Variants in BTNL3 observed in about 807,000 individuals in gnomAD.
The protein encoded by BTNL3 is butyrophilin like 3, also known as butyrophilin-like protein 3.
BTNL3 carries 20 observed loss-of-function variants against 40.1 expected under a neutral mutation model. The observed-to-expected ratio is 0.50, with a 90% CI of 0.35 to 0.72. The LOEUF is 0.72. BTNL3 is among the 30% of genes least tolerant of loss of function. BTNL3 has a pLI of 0.01. For synonymous variants in BTNL3, 179 were observed against 222.1 expected (o/e 0.81, Z 1.73); for missense variants, 449 against 582.2 (o/e 0.77, Z 2.35).
rs1759980200 is a variant in BTNL3, at chr5:180,992,282, T to C, written c.50-531T>C. On this transcript the variant is annotated intron_variant, in intron 1 of 7. Coordinates refer to ENST00000342868, the MANE Select transcript of BTNL3 (RefSeq NM_197975.3). The stretch of plus-strand genomic sequence containing the variant: ...TAAATGTGCTTCAGCGGAGAATATA[T>C]ATTCCTTTCTTGTATCCATAAAACA... Among the ~76,000 whole-genome samples the C allele has an allele frequency of 1.5e-5, 2 of 137,530 alleles. 1 individual carries two copies. Among genetic ancestry groups the C allele is most frequent in the African/African-American group, 5.0e-5 (2 of 39,940 alleles). The allele number at this position is 137,530 out of a possible 152,430, so 90.2% of individuals were successfully genotyped here.
Position 180,997,375 on chromosome 5 carries a change from G to A in BTNL3, c.560G>A (p.Ser187Asn). 6.8e-7 allele frequency: 1 copy of A among 1,464,126 alleles called. No individual in the cohort carries two copies. The highest frequency in any genetic ancestry group is 1.1e-5 in the South Asian group (1 of 89,322). 90.7% of individuals were successfully genotyped at this position (1,464,126 alleles called of 1,614,324 possible). A position where few individuals can be genotyped will look rare whatever the true frequency, so the allele number is the denominator to read the frequency against. ...TCCAGAGCAAATGCAGATGGGTACAGCCTGTATGATGTGGAGATCTCCATT... is the reference window on the plus strand; with the variant it reads ...TCCAGAGCAAATGCAGATGGGTACAACCTGTATGATGTGGAGATCTCCATT... Reference protein sequence around the residue: ...SDSRANADGYSLYDVEISIIV... With the variant: ...SDSRANADGYNLYDVEISIIV... Residue 187 changes from serine (S) to asparagine (N), a missense_variant, in exon 3 of 8, where the codon AGC becomes AAC. Around this residue, in one of 2 missense-constraint regions of BTNL3, gnomAD observed 323 missense variants for 464.9 expected, o/e 0.69. Coordinates refer to ENST00000342868, the MANE Select transcript of BTNL3 (RefSeq NM_197975.3).
chr5:181,004,989 G>T (rs1460908948), intron 7 of BTNL3, among the ~76,000 whole-genome samples: 1 of 152,162 alleles, frequency 6.6e-6, no homozygotes, highest in Non-Finnish European at 1.5e-5. Context: ...GAGGGCATTA[G>T]TAGCTGGCTT....
intron 1 of BTNL3, among the ~76,000 whole-genome samples, chr5:180,990,517 C>T (rs1176940150): frequency 7.3e-6 from 1 of 137,692 alleles, no homozygotes; most frequent in Non-Finnish European, 1.7e-5. Flanking sequence ...CAGTATGTTG[C>T]GACAACAGAC....
intron 2 of BTNL3, 64 bp from the exon 3 acceptor site, chr5:180,997,149 G>T: frequency 6.9e-7 from 1 of 1,457,464 alleles, no homozygotes; most frequent in South Asian, 1.1e-5. Flanking sequence ...TGATGAACCA[G>T]ACTCAAAATG....
At position 180,989,668 on chromosome 5, in the gene BTNL3, A is replaced by G. The variant is rs549526950; in HGVS notation, c.49+591A>G. Among the ~76,000 whole-genome samples, 3 of 135,152 alleles carry G rather than the reference A, an allele frequency of 2.2e-5. 1 individual carries two copies. Among genetic ancestry groups the G allele is most frequent in the East Asian group, 4.4e-4 (2 of 4,596 alleles). The allele number at this position is 135,152 out of a possible 152,430, so 88.7% of individuals were successfully genotyped here. A position where few individuals can be genotyped will look rare whatever the true frequency, so the allele number is the denominator to read the frequency against. On this transcript the variant is annotated intron_variant, in intron 1 of 7. Transcript: ENST00000342868. ...CAAGACAAAGCCTGGTGTATAGGAT[A>G]TTCAGTAATCAAATAAATTTTGCAG... is the stretch of plus-strand genomic sequence containing the variant.
intron 3 of BTNL3, among the ~76,000 whole-genome samples, chr5:180,998,508 C>T (rs1447167799): frequency 7.4e-6 from 1 of 136,014 alleles, no homozygotes; most frequent in Non-Finnish European, 1.7e-5. Flanking sequence ...GATGGCACTC[C>T]AGGTTTGTAG....
intron 4 of BTNL3, 83 bp downstream of exon 4, chr5:181,002,868 G>C: frequency 7.3e-7 from 1 of 1,378,408 alleles, no homozygotes; most frequent in Admixed American, 2.0e-5. Flanking sequence ...ACACACCTCT[G>C]GGCTCTGCTC....
At position 180,998,990 on chromosome 5, in the gene BTNL3, G is replaced by A. The variant is rs1423910372; in HGVS notation, c.673+1502G>A. Among the ~76,000 whole-genome samples, 9 of 136,002 alleles carry A rather than the reference G, an allele frequency of 6.6e-5. 4 individuals are homozygous for A. The highest frequency in any genetic ancestry group is 1.5e-4 in the Non-Finnish European group (9 of 59,588). 89.2% of individuals were successfully genotyped at this position (136,002 alleles called of 152,430 possible). A position where few individuals can be genotyped will look rare whatever the true frequency, so the allele number is the denominator to read the frequency against. On this transcript the variant is annotated intron_variant, in intron 3 of 7. Coordinates refer to ENST00000342868, the MANE Select transcript of BTNL3 (RefSeq NM_197975.3). Reference sequence around the variant, plus strand: ...AAAAATACAAAAATTAGCCGGGTGTGGTGGCGGGTGCCTGTAATCCCAGCT... The same window carrying A: ...AAAAATACAAAAATTAGCCGGGTGTAGTGGCGGGTGCCTGTAATCCCAGCT...
At chr5:180,994,174 C>T (rs1760007603) in intron 2 of BTNL3, among the ~76,000 whole-genome samples, 1 of 137,288 alleles carries the variant, frequency 7.3e-6, no homozygotes, top group Admixed American at 7.7e-5. Context: ...TTTTCTATTG[C>T]TTTTCTTCTT....
Position 180,997,816 on chromosome 5 carries a change from C to T in BTNL3, c.673+328C>T, listed in dbSNP as rs902306594. On this transcript the variant is annotated intron_variant, in intron 3 of 7. Coordinates refer to ENST00000342868, the MANE Select transcript of BTNL3 (RefSeq NM_197975.3). The stretch of plus-strand genomic sequence containing the variant: ...TAATTGTTTCTTCATTTTTAGAAAA[C>T]GTCGTTGCTCCTTCATGAAGCAGAA... 1.3e-4 allele frequency among the ~76,000 whole-genome samples: 18 copies of T among 136,870 alleles called. 3 individuals are homozygous for T. The highest frequency in any genetic ancestry group is 2.2e-4 in the Non-Finnish European group (13 of 59,944). 89.8% of individuals were successfully genotyped at this position (136,870 alleles called of 152,430 possible).
rs1019840813 is a variant in BTNL3, at chr5:180,997,428, T to C, written c.613T>C (p.Leu205=). The change falls in exon 3 of 8, where the codon TTG becomes CTG. Residue 205 remains leucine (L), a synonymous_variant. Transcript: ENST00000342868. Reference sequence around the variant, plus strand: ...AGTCCAGGAAAATGCTGGGAGCATATTGTGTTCCATCCACCTTGCTGAGCA... The same window carrying C: ...AGTCCAGGAAAATGCTGGGAGCATACTGTGTTCCATCCACCTTGCTGAGCA... ...IIVQENAGSI[L]CSIHLAEQSH... The C allele has an allele frequency of 4.1e-6, 6 of 1,463,034 alleles. 3 individuals are homozygous for C. Among genetic ancestry groups the C allele is most frequent in the Non-Finnish European group, 5.7e-6 (6 of 1,058,754 alleles). 90.6% of individuals were successfully genotyped at this position (1,463,034 alleles called of 1,614,324 possible).
At chr5:180,989,696 A>G (rs1759944386) in intron 1 of BTNL3, among the ~76,000 whole-genome samples, 1 of 134,588 alleles carries the variant, frequency 7.4e-6, no homozygotes, top group Admixed American at 7.9e-5. Context: ...TTTTGCAGGG[A>G]GAGATAGGGG....
Position 181,006,669 on chromosome 5 carries a change from A to C in BTNL3, c.*797A>C, listed in dbSNP as rs1397249802. The C allele has an allele frequency of 1.3e-5, 2 of 152,252 alleles. No individual in the cohort carries two copies. The highest frequency in any genetic ancestry group is 2.9e-5 in the Non-Finnish European group (2 of 68,048). 9.4% of individuals were successfully genotyped at this position (152,252 alleles called of 1,614,324 possible). On this transcript the variant is annotated 3_prime_UTR_variant, in exon 8 of 8. Coordinates refer to ENST00000342868, the MANE Select transcript of BTNL3 (RefSeq NM_197975.3). ...GTCCCACAAATGCAGAGTTGGTTTA[A>C]TATTTAAATATCAACCAGTGTAATT...
In BTNL3 at chr5:181,006,109, G is replaced by A. The variant is rs1313975597; in HGVS notation, c.*237G>A. 2.0e-6 allele frequency: 1 copy of A among 497,940 alleles called. No homozygotes were observed. Among genetic ancestry groups the A allele is most frequent in the African/African-American group, 1.9e-5 (1 of 51,868 alleles). 30.8% of individuals were successfully genotyped at this position (497,940 alleles called of 1,614,324 possible). A position where few individuals can be genotyped will look rare whatever the true frequency, so the allele number is the denominator to read the frequency against. ...CCTGTGGGAGTCAGAAGCCATGGCTGCCCTGAAGTGGGGACGGAATAGACT... is the reference window on the plus strand; with the variant it reads ...CCTGTGGGAGTCAGAAGCCATGGCTACCCTGAAGTGGGGACGGAATAGACT... On this transcript the variant is annotated 3_prime_UTR_variant, in exon 8 of 8. Coordinates refer to ENST00000342868, the MANE Select transcript of BTNL3 (RefSeq NM_197975.3).
intron 3 of BTNL3, 34 bp from the exon 4 acceptor site, chr5:181,002,638 G>A (rs1446842088): frequency 6.9e-7 from 1 of 1,442,810 alleles, no homozygotes; most frequent in Admixed American, 2.0e-5. Context: ...TACCTGCTTA[G>A]CTATCACTAA....
Position 181,006,316 on chromosome 5 carries a change from G to A in BTNL3, c.*444G>A. Reference sequence around the variant, plus strand: ...AGGGCACAGTGTTTGCTAATGATGTGTTTTTATATTATACATTTTCCCACC... The same window carrying A: ...AGGGCACAGTGTTTGCTAATGATGTATTTTTATATTATACATTTTCCCACC... On this transcript the variant is annotated 3_prime_UTR_variant, in exon 8 of 8. Transcript: ENST00000342868. 3.3e-6 allele frequency: 1 copy of A among 300,000 alleles called. No individual in the cohort carries two copies. The highest frequency in any genetic ancestry group is 6.1e-6 in the Non-Finnish European group (1 of 164,908). The allele number at this position is 300,000 out of a possible 1,614,324, so 18.6% of individuals were successfully genotyped here. A position where few individuals can be genotyped will look rare whatever the true frequency, so the allele number is the denominator to read the frequency against.
Position 181,005,966 on chromosome 5 carries a change from GGA to G in BTNL3, c.*96_*97del, listed in dbSNP as rs1760223123. On this transcript the variant is annotated 3_prime_UTR_variant, in exon 8 of 8. Transcript: ENST00000342868. ...GACAGGTGGCCCCAGCTTCCTCTCC[GGA>G]GCCTGCGCACAGAGAGTCACGCCCC... The G allele has an allele frequency of 7.4e-7, 1 of 1,355,230 alleles. No homozygotes were observed. The highest frequency in any genetic ancestry group is 2.5e-5 in the East Asian group (1 of 40,100). The allele number at this position is 1,355,230 out of a possible 1,614,324, so 84.0% of individuals were successfully genotyped here. A position where few individuals can be genotyped will look rare whatever the true frequency, so the allele number is the denominator to read the frequency against.
At chr5:181,003,066 T>C (rs1295419899) in intron 4 of BTNL3, among the ~76,000 whole-genome samples, 1 of 136,054 alleles carries the variant, frequency 7.4e-6, no homozygotes, top group Non-Finnish European at 1.7e-5. Flanking sequence ...CATAAATTTC[T>C]ACCAACAGGC....
rs1038454955 is a variant in BTNL3 at position 181,006,578 on chromosome 5, T to C, written c.*706T>C. ...TTAACACAGACACAAAAATTCTAAA[T>C]AAAATTTTAACAAATTAAACTAAAC... On this transcript the variant is annotated 3_prime_UTR_variant, in exon 8 of 8. Coordinates refer to ENST00000342868, the MANE Select transcript of BTNL3 (RefSeq NM_197975.3). 15 of 152,194 alleles carry C rather than the reference T, an allele frequency of 9.9e-5. No homozygotes were observed. Among genetic ancestry groups the C allele is most frequent in the African/African-American group, 3.6e-4 (15 of 41,442 alleles). The allele number at this position is 152,194 out of a possible 1,614,324, so 9.4% of individuals were successfully genotyped here. A position where few individuals can be genotyped will look rare whatever the true frequency, so the allele number is the denominator to read the frequency against.
Sources: allele counts gnomAD v4.1 joint callset (sites outside exome capture counted in the v4.1 genomes callset), GRCh38; gene constraint gnomAD v4.1.1; regional missense constraint gnomAD v4.1.1; transcripts MANE v1.5; gene names NCBI Gene and HGNC (gene_info 2026-07-23, HGNC 2026-07-21).